MLLT10: variants seen among roughly 807,000 people sequenced by gnomAD.
MLLT10 encodes the protein protein AF-10.
MLLT10 carries 30 observed loss-of-function variants against 129.1 expected under a neutral mutation model. The ratio of observed to expected loss-of-function variants is 0.23; its 90% CI spans 0.17 to 0.32. The LOEUF (loss-of-function observed/expected upper bound fraction) is 0.32, where lower values mean the gene tolerates loss of function less well. MLLT10 is among the 10% of genes least tolerant of loss of function. The probability of loss-of-function intolerance (pLI) is 1.00; values close to 1 mark genes in which losing one functional copy is unlikely to be tolerated. For missense variants in MLLT10, 1,119 were observed against 1,268.3 expected (o/e 0.88, Z 1.79); for synonymous variants, 490 against 446.4 (o/e 1.10, Z -1.23).
At chr10:21,604,801 T>C (rs1486659469) in intron 5 of MLLT10, among the ~76,000 whole-genome samples, 3 of 152,050 alleles carry the variant, frequency 2.0e-5, no homozygotes, top group Non-Finnish European at 4.4e-5. Flanking sequence ...TGGCTTGATA[T>C]TCCGTTCTCT....
rs946305345 is a variant in MLLT10, at chr10:21,612,074, G to A, written c.406-274G>A. Among the ~76,000 whole-genome samples, 4 of 152,166 alleles carry A rather than the reference G, an allele frequency of 2.6e-5. No homozygotes were observed. In the East Asian group the frequency reaches 5.8e-4, roughly 22 times the overall value. Reference sequence around the variant, plus strand: ...TGTGTCCTGGCCCGCCAGCCTCAGTGCCTGGGAAGAGTCTTCCTGTCTTGC... The same window carrying A: ...TGTGTCCTGGCCCGCCAGCCTCAGTACCTGGGAAGAGTCTTCCTGTCTTGC... On this transcript the variant is annotated intron_variant, in intron 5 of 22. Coordinates refer to ENST00000307729, the MANE Select transcript of MLLT10 (RefSeq NM_001195626.3).
chr10:21,609,454 C>T (rs1013724435), intron 5 of MLLT10, among the ~76,000 whole-genome samples: 3 of 152,158 alleles, frequency 2.0e-5, no homozygotes, highest in African/African-American at 7.2e-5. Context: ...TGTACTGTAG[C>T]CCCCTGAGCT....
intron 3 of MLLT10, among the ~76,000 whole-genome samples, chr10:21,578,976 T>C (rs775715074): frequency 1.5e-4 from 23 of 152,248 alleles, no homozygotes; most frequent in Admixed American, 3.9e-4. Flanking sequence ...CTTCTGAAGA[T>C]TGGCATTTTC....
intron 3 of MLLT10, among the ~76,000 whole-genome samples, chr10:21,549,659 CTT>C (rs11374255): frequency 1.7e-4 from 21 of 121,970 alleles, no homozygotes; most frequent in African/African-American, 3.4e-4. Context: ...GAGTTGTACT[CTT>C]TTTTTTTTTT....
rs182495708 is a variant in MLLT10 at position 21,624,392 on chromosome 10, A to G, written c.699+7185A>G. On this transcript the variant is annotated intron_variant, in intron 8 of 22. Coordinates refer to ENST00000307729, the MANE Select transcript of MLLT10 (RefSeq NM_001195626.3). ...AGAATAAGGGAACTCTGTAAGCCCAATAATGTCCAAGAGCATTTATGAAAA... is the reference window on the plus strand; with the variant it reads ...AGAATAAGGGAACTCTGTAAGCCCAGTAATGTCCAAGAGCATTTATGAAAA... Among the ~76,000 whole-genome samples, 26 of 152,298 alleles carry G rather than the reference A, an allele frequency of 1.7e-4. No homozygotes were observed. The East Asian group carries it at 4.4e-3, about 26-fold the overall frequency.
At chr10:21,739,631 C>CAG in intron 21 of MLLT10, among the ~76,000 whole-genome samples, 1 of 152,200 alleles carries the variant, frequency 6.6e-6, no homozygotes, top group South Asian at 2.1e-4. Context: ...TATATGCTTG[C>CAG]TGTAGAGTGG....
intron 3 of MLLT10, among the ~76,000 whole-genome samples, chr10:21,581,392 A>G (rs143194345): frequency 5.9e-4 from 90 of 152,328 alleles, no homozygotes; most frequent in African/African-American, 2.1e-3. Context: ...AAATAATGGT[A>G]TGAAAGATTT....
At chr10:21,703,690 G>A (rs559839860) in intron 13 of MLLT10, among the ~76,000 whole-genome samples, 2 of 152,124 alleles carry the variant, frequency 1.3e-5, no homozygotes, top group African/African-American at 2.4e-5. Context: ...GATTACAGGT[G>A]TGCACCACTA....
intron 21 of MLLT10, chr10:21,738,279 AT>A (rs945039472): frequency 1.1e-5 from 8 of 705,022 alleles, no homozygotes; most frequent in Non-Finnish European, 1.4e-5. Context: ...AAAAAAAAAA[AT>A]CTTAAATGCT....
intron 6 of MLLT10, among the ~76,000 whole-genome samples, chr10:21,613,916 C>CA (rs2044943620): frequency 6.7e-6 from 1 of 148,410 alleles, no homozygotes. Flanking sequence ...AAAAAAAAAA[C>CA]AAAAAACAAA....
At chr10:21,675,232 G>T (rs2051962806) in intron 11 of MLLT10, among the ~76,000 whole-genome samples, 1 of 152,318 alleles carries the variant, frequency 6.6e-6, no homozygotes, top group Admixed American at 6.5e-5. Flanking sequence ...ATCTCTAGAT[G>T]CATTAAGGAT....
At chr10:21,666,392 C>T (rs1431272014) in intron 9 of MLLT10, among the ~76,000 whole-genome samples, 2 of 151,932 alleles carry the variant, frequency 1.3e-5, no homozygotes, top group East Asian at 1.9e-4. Flanking sequence ...AGGCCAGGCG[C>T]GGTGGCTCAT....
At chr10:21,718,943 C>T (rs573469357) in intron 14 of MLLT10, among the ~76,000 whole-genome samples, 7 of 152,238 alleles carry the variant, frequency 4.6e-5, no homozygotes, top group Middle Eastern at 3.4e-3. Context: ...AGGCTGGTCT[C>T]GAACTCCTGA....
chr10:21,740,154 G>C lies in MLLT10; in HGVS notation c.3080G>C (p.Gly1027Ala). ...ATACCCATAAACAACCTTCTTGCAG[G>C]TACACAGGCACCCCCACTTCACACA... ...TQIPINNLLAGTQAPPLHTAT... is the reference protein window; with the variant it reads ...TQIPINNLLAATQAPPLHTAT... Residue 1027 changes from glycine to alanine, a missense_variant, in exon 22 of 23, where the codon GGT becomes GCT. Around this residue, in one of 5 missense-constraint regions of MLLT10, gnomAD observed 1,004 missense variants for 1,008.7 expected, o/e 1.00. Coordinates refer to ENST00000307729, the MANE Select transcript of MLLT10 (RefSeq NM_001195626.3). 1 of 1,614,038 alleles carries C rather than the reference G, an allele frequency of 6.2e-7. No homozygotes were observed. Among genetic ancestry groups the C allele is most frequent in the South Asian group, 1.1e-5 (1 of 91,080 alleles).
chr10:21,660,607 C>T (rs2131346455), intron 9 of MLLT10, among the ~76,000 whole-genome samples: 1 of 125,540 alleles, frequency 8.0e-6, no homozygotes, highest in African/African-American at 3.5e-5. Flanking sequence ...CAGAGCAAGA[C>T]TCCATCTCAA....
chr10:21,569,244 G>A (rs752600486), intron 3 of MLLT10, among the ~76,000 whole-genome samples: 1 of 151,936 alleles, frequency 6.6e-6, no homozygotes, highest in Non-Finnish European at 1.5e-5. Context: ...CTGTCTGCTG[G>A]TCCTGCTATT....
At chr10:21,593,926 TAAAAAAAAAAAAAAAAAAAA>T (rs61561146) in intron 4 of MLLT10, among the ~76,000 whole-genome samples, 3 of 45,408 alleles carry the variant, frequency 6.6e-5, no homozygotes, top group African/African-American at 1.1e-4. Context: ...GCTTTGTCTT[TAAAAAAAAAAAAAAAAAAAA>T]AAAAAAAAAA....
At chr10:21,559,444 G>C (rs752027491) in intron 3 of MLLT10, among the ~76,000 whole-genome samples, 1 of 152,118 alleles carries the variant, frequency 6.6e-6, no homozygotes, top group Non-Finnish European at 1.5e-5. Context: ...TGATTATTCA[G>C]ATTTTCCATA....
intron 9 of MLLT10, among the ~76,000 whole-genome samples, chr10:21,668,074 C>A (rs143424247): frequency 2.2e-3 from 330 of 151,962 alleles, no homozygotes; most frequent in African/African-American, 7.2e-3. Flanking sequence ...ACAACAACAA[C>A]AAAAAAAGAA....
Sources: gnomAD v4.1 joint callset for allele counts (sites outside exome capture counted in the v4.1 genomes callset) on GRCh38, gnomAD v4.1.1 for gene constraint, gnomAD v4.1.1 regional missense constraint, MANE v1.5 for transcripts, NCBI Gene and HGNC (gene_info 2026-07-23, HGNC 2026-07-21) for gene names.